The following HACD2 variants were observed in gnomAD, a reference collection of about 807,000 sequenced individuals.
The protein encoded by HACD2 is very-long-chain (3R)-3-hydroxyacyl-CoA dehydratase 2.
Under a neutral mutation model 31.0 loss-of-function variants are expected in HACD2, and 15 were observed. That is an observed-to-expected ratio of 0.48 (90% CI 0.32 to 0.75). The LOEUF (loss-of-function observed/expected upper bound fraction) is 0.75. HACD2 is among the 30% of genes least tolerant of loss of function. HACD2 has a pLI of 0.03. For synonymous variants in HACD2, 115 were observed against 122.2 expected, an observed-to-expected ratio of 0.94 and a Z score of 0.39; for missense variants, 283 against 313.0, an observed-to-expected ratio of 0.90 and a Z score of 0.72.
chr3:123,534,844 T>TA (rs1285236217), intron 3 of HACD2, among the ~76,000 whole-genome samples: 3 of 131,440 alleles, frequency 2.3e-5, no homozygotes, highest in East Asian at 2.1e-4. Context: ...TTTTAAAGAG[T>TA]AAAAAAAGAA....
At chr3:123,557,322 C>T (rs1227718324) in intron 3 of HACD2, among the ~76,000 whole-genome samples, 1 of 152,188 alleles carries the variant, frequency 6.6e-6, no homozygotes, top group African/African-American at 2.4e-5. Context: ...CCCCTTATCC[C>T]CAGTCCATGG....
At chr3:123,530,268 A>G (rs2056341598) in intron 3 of HACD2, among the ~76,000 whole-genome samples, 1 of 152,142 alleles carries the variant, frequency 6.6e-6, no homozygotes, top group Admixed American at 6.5e-5. Flanking sequence ...TTTAAAAAAA[A>G]GAGACCAGAT....
At chr3:123,583,857 A>G (rs2056992487) in intron 1 of HACD2, among the ~76,000 whole-genome samples, 1 of 152,186 alleles carries the variant, frequency 6.6e-6, no homozygotes, top group Non-Finnish European at 1.5e-5. Flanking sequence ...GTATTCCCTC[A>G]TGTTTTTCAT....
chr3:123,563,637 AT>A (rs1359401513), intron 3 of HACD2, among the ~76,000 whole-genome samples: 2 of 74,658 alleles, frequency 2.7e-5, no homozygotes, highest in African/African-American at 9.2e-5. Context: ...TGACAAAAAA[AT>A]ATATATACAC....
intron 4 of HACD2, among the ~76,000 whole-genome samples, chr3:123,519,902 A>G (rs2067889): frequency 0.025 from 3,740 of 152,342 alleles, 149 homozygotes; most frequent in African/African-American, 0.081. Context: ...CTCACGATGC[A>G]TACCAATCAC....
intron 3 of HACD2, among the ~76,000 whole-genome samples, chr3:123,557,112 CGCA>C (rs149506340): frequency 0.025 from 3,742 of 152,320 alleles, 63 homozygotes; most frequent in Middle Eastern, 0.088. Flanking sequence ...CCCTGGGCTG[CGCA>C]GCAGGAGAGC....
At chr3:123,578,212 A>G (rs927036930) in intron 2 of HACD2, among the ~76,000 whole-genome samples, 1 of 152,164 alleles carries the variant, frequency 6.6e-6, no homozygotes, top group Non-Finnish European at 1.5e-5. Context: ...TGCCTTTATT[A>G]ATTTTATGAA....
chr3:123,494,039 G>C lies in HACD2; in HGVS notation c.*849C>G, dbSNP rs1393103678. On this transcript the variant is annotated 3_prime_UTR_variant, in exon 7 of 7. Transcript: ENST00000383657. The stretch of plus-strand genomic sequence containing the variant: ...CTTCTTCAGGGCCATCAGTGCATCA[G>C]TGAGAATAGCTACTGGCAAACACGT... 3 of 152,218 alleles carry C rather than the reference G, an allele frequency of 2.0e-5. No individual in the cohort carries two copies. The highest frequency in any genetic ancestry group is 7.2e-5 in the African/African-American group (3 of 41,454). 9.4% of individuals were successfully genotyped at this position (152,218 alleles called of 1,614,324 possible).
rs1290668664 is a variant in HACD2, at chr3:123,500,603, G to A, written c.594C>T (p.Gly198=). 2.5e-6 allele frequency: 4 copies of A among 1,612,416 alleles called. No homozygotes were observed. The highest frequency in any genetic ancestry group is 2.5e-6 in the Non-Finnish European group (3 of 1,178,556). The change falls in exon 6 of 7, where the codon GGC becomes GGT. Residue 198 remains glycine (G), a synonymous_variant. Transcript: ENST00000383657. ...YAALPFVRQA[G]LYSISLPNKY... The stretch of plus-strand genomic sequence containing the variant: ...TGTTGGGTAAACTGATGGAATATAG[G>A]CCAGCTTGTCTGACAAAGGGCAGAG...
chr3:123,582,969 T>C (rs1270002185), intron 1 of HACD2, among the ~76,000 whole-genome samples: 5 of 152,232 alleles, frequency 3.3e-5, no homozygotes, highest in Admixed American at 6.5e-5. Flanking sequence ...TTTGTTCCAC[T>C]GTCCTTCTCA....
chr3:123,500,139 T>C (rs2055884328), intron 6 of HACD2, among the ~76,000 whole-genome samples: 1 of 152,240 alleles, frequency 6.6e-6, no homozygotes, highest in Non-Finnish European at 1.5e-5. Context: ...AATCTTTTTA[T>C]CATGTTTTTC....
chr3:123,544,394 C>A (rs6788956), intron 3 of HACD2, among the ~76,000 whole-genome samples: 3,230 of 152,128 alleles, frequency 0.021, 62 homozygotes, highest in Non-Finnish European at 0.034. Flanking sequence ...CCAACCCACA[C>A]AGAACATTAA....
intron 2 of HACD2, among the ~76,000 whole-genome samples, chr3:123,570,656 C>T (rs1035012578): frequency 5.9e-5 from 9 of 152,090 alleles, no homozygotes; most frequent in South Asian, 4.2e-4. Context: ...GGGATGGGGT[C>T]GGAGGAAAGT....
intron 4 of HACD2, among the ~76,000 whole-genome samples, chr3:123,516,356 T>C (rs565262255): frequency 1.3e-5 from 2 of 151,746 alleles, no homozygotes; most frequent in African/African-American, 4.8e-5. Context: ...TGCCTCAGCC[T>C]CCCGAGTAGC....
At chr3:123,519,635 T>A (rs1178784508) in intron 4 of HACD2, among the ~76,000 whole-genome samples, 1 of 152,224 alleles carries the variant, frequency 6.6e-6, no homozygotes, top group Admixed American at 6.5e-5. Context: ...TTTATGTATT[T>A]TTAATTAAAC....
chr3:123,582,843 TA>T (rs891009831), intron 1 of HACD2, among the ~76,000 whole-genome samples: 1,814 of 143,698 alleles, frequency 0.013, 21 homozygotes, highest in African/African-American at 0.042. Context: ...GGGCTCTTGC[TA>T]AAAAAAAAAA....
At chr3:123,506,596 A>T (rs1006523794) in intron 4 of HACD2, among the ~76,000 whole-genome samples, 1 of 151,278 alleles carries the variant, frequency 6.6e-6, no homozygotes, top group Non-Finnish European at 1.5e-5. Context: ...CACCCAGCTA[A>T]TTTTTTTTTC....
At chr3:123,583,738 G>C (rs1463918878) in intron 1 of HACD2, among the ~76,000 whole-genome samples, 1 of 152,172 alleles carries the variant, frequency 6.6e-6, no homozygotes, top group Non-Finnish European at 1.5e-5. Context: ...GGGATAGGGG[G>C]ATGTATAAAC....
Position 123,507,992 on chromosome 3 carries a change from CT to C in HACD2, c.382-5312del, listed in dbSNP as rs1407040573. On this transcript the variant is annotated intron_variant, in intron 4 of 6. Transcript: ENST00000383657. The stretch of plus-strand genomic sequence containing the variant: ...CCTGTGCAACATAGTGAGACCCCCC[CT>C]CTCTTAAAAAAAGAAAAAAAAAGGA... 1.2e-4 allele frequency among the ~76,000 whole-genome samples: 18 copies of C among 149,732 alleles called. No individual in the cohort carries two copies. The South Asian group carries it at 1.7e-3, about 14-fold the overall frequency.
Sources: allele counts gnomAD v4.1 joint callset (sites outside exome capture counted in the v4.1 genomes callset), GRCh38; gene constraint gnomAD v4.1.1; transcripts MANE v1.5; gene names NCBI Gene and HGNC (gene_info 2026-07-23, HGNC 2026-07-21).